The following ADGRF1 variants were observed in gnomAD, a reference collection of about 807,000 sequenced individuals.
The protein encoded by ADGRF1 is adhesion G protein-coupled receptor F1.
ADGRF1 carries 85 observed loss-of-function variants against 87.2 expected under a neutral mutation model. The observed-to-expected ratio is 0.97, with a 90% CI of 0.82 to 1.17. The LOEUF is 1.17. Among genes scored for constraint, ADGRF1 ranks in the 50% most tolerant of loss-of-function variants. The pLI, the probability that ADGRF1 is intolerant of heterozygous loss-of-function variation, is 0.00. For missense variants in ADGRF1, 1,169 were observed against 1,077.2 expected, an observed-to-expected ratio of 1.09 and a Z score of -1.19; for synonymous variants, 430 against 408.8, an observed-to-expected ratio of 1.05 and a Z score of -0.63.
At chr6:47,035,995 C>T (rs1282147474) in intron 1 of ADGRF1, among the ~76,000 whole-genome samples, 8 of 152,122 alleles carry the variant, frequency 5.3e-5, no homozygotes, top group Non-Finnish European at 2.9e-5. Context: ...ATTTGGGAAG[C>T]GGAGGCTGGT....
At position 47,004,901 on chromosome 6, in the gene ADGRF1, C is replaced by T. The variant is rs1417290446; in HGVS notation, c.2592+916G>A. On this transcript the variant is annotated intron_variant, in intron 13 of 14. Coordinates refer to ENST00000371253, the MANE Select transcript of ADGRF1 (RefSeq NM_153840.4). ...CAAGGGCAGGACTGGTCCACCTGCT[C>T]ATGGGCCAGTGCTCCGTAATTCACA... 1.6e-4 allele frequency among the ~76,000 whole-genome samples: 24 copies of T among 152,190 alleles called. 1 individual carries two copies. The highest frequency in any genetic ancestry group is 1.6e-3 in the Admixed American group (24 of 15,268).
Position 47,009,457 on chromosome 6 carries a change from C to G in ADGRF1, c.1978G>C (p.Ala660Pro), listed in dbSNP as rs776690262. 2 of 1,613,732 alleles carry G rather than the reference C, an allele frequency of 1.2e-6. No homozygotes were observed. Among genetic ancestry groups the G allele is most frequent in the African/African-American group, 2.7e-5 (2 of 74,934 alleles). Residue 660 changes from alanine (A) to proline (P), a missense_variant, in exon 11 of 15, where the codon GCT becomes CCT. Transcript: ENST00000371253. ...TAGAAGAAGTGTGTAAAGAACACAG[C>G]AGCTGTGCAGACTCCAGAAGGGTTC... is the stretch of plus-strand genomic sequence containing the variant. The part of the protein sequence containing the change: ...TVNPSGVCTA[A>P]VFFTHFFYLS...
chr6:47,018,458 T>A, intron 7 of ADGRF1: 1 of 1,289,792 alleles, frequency 7.8e-7, no homozygotes, highest in South Asian at 1.2e-5. Flanking sequence ...GACACCCTTT[T>A]GCTTAATGAT....
intron 6 of ADGRF1, 64 bp from the exon 7 acceptor site, chr6:47,020,853 G>A: frequency 7.8e-7 from 1 of 1,287,566 alleles, no homozygotes; most frequent in South Asian, 1.2e-5. Flanking sequence ...AGACATTTGA[G>A]CAAAAATTGA....
intron 1 of ADGRF1, among the ~76,000 whole-genome samples, chr6:47,040,962 A>C (rs1453537811): frequency 1.3e-5 from 2 of 152,184 alleles, no homozygotes; most frequent in African/African-American, 4.8e-5. Context: ...TTGGAGAAGA[A>C]AGACATACAA....
At chr6:47,007,818 T>C (rs1049256875) in intron 11 of ADGRF1, among the ~76,000 whole-genome samples, 1 of 152,162 alleles carries the variant, frequency 6.6e-6, no homozygotes, top group African/African-American at 2.4e-5. Flanking sequence ...TTGGTGCTTG[T>C]TCAGACAGTG....
chr6:47,000,432 T>C (rs1779329942), intron 14 of ADGRF1, 137 bp from the exon 15 acceptor site: 1 of 585,372 alleles, frequency 1.7e-6, no homozygotes, highest in African/African-American at 1.8e-5. Flanking sequence ...ACAAAAAGAC[T>C]GTGGTTGGTG....
Position 47,024,234 on chromosome 6 carries a change from ACTCAGT to A in ADGRF1, c.278-23_278-18del. The A allele has an allele frequency of 6.2e-7, 1 of 1,600,134 alleles. No homozygotes were observed. The highest frequency in any genetic ancestry group is 8.5e-7 in the Non-Finnish European group (1 of 1,169,748). On this transcript the variant is annotated intron_variant, in intron 4 of 14. Coordinates refer to ENST00000371253, the MANE Select transcript of ADGRF1 (RefSeq NM_153840.4). The stretch of plus-strand genomic sequence containing the variant: ...TGTTGCAGTCTGCACAAGAAATAGA[ACTCAGT>A]CTCATGGATTCTGGTTTATAAACTG...
At position 47,030,576 on chromosome 6, in the gene ADGRF1, ATGTG is replaced by A. The variant is rs3030596; in HGVS notation, c.-43-1476_-43-1473del. Among the ~76,000 whole-genome samples the A allele has an allele frequency of 9.8e-3, 1,351 of 138,530 alleles. 12 individuals carry two copies. The highest frequency in any genetic ancestry group is 0.023 in the African/African-American group (843 of 37,276). 90.9% of individuals were successfully genotyped at this position (138,530 alleles called of 152,430 possible). A position where few individuals can be genotyped will look rare whatever the true frequency, so the allele number is the denominator to read the frequency against. On this transcript the variant is annotated intron_variant, in intron 1 of 14. Coordinates refer to ENST00000371253, the MANE Select transcript of ADGRF1 (RefSeq NM_153840.4). ...AAGAAAGATATGTGATAACATGAAT[ATGTG>A]TGTGTGTGTGTGTGTGTGTGTGTGT...
At chr6:47,018,671 G>A (rs746642038) in intron 7 of ADGRF1, 4 of 1,168,268 alleles carry the variant, frequency 3.4e-6, no homozygotes, top group Non-Finnish European at 4.5e-6. Flanking sequence ...CAGCACTTTG[G>A]GAGGCCAAGG....
At chr6:47,007,385 A>G (rs1330434020) in intron 11 of ADGRF1, 91 bp from the exon 12 acceptor site, 1 of 732,494 alleles carries the variant, frequency 1.4e-6, no homozygotes, top group Admixed American at 2.5e-5. Context: ...ATCACCCCAC[A>G]TTGAAACTGT....
At position 47,020,805 on chromosome 6, in the gene ADGRF1, A is replaced by G; in HGVS notation, c.553-16T>C. 1 of 1,606,760 alleles carries G rather than the reference A, an allele frequency of 6.2e-7. No homozygotes were observed. The highest frequency in any genetic ancestry group is 8.5e-7 in the Non-Finnish European group (1 of 1,173,408). ...CTTTTTTAAGCTTAGAAAGAGAACA[A>G]AGAACAATGTGTTAATTGTTCTTCC... On this transcript the variant is annotated splice_polypyrimidine_tract_variant and intron_variant, in intron 6 of 14. Transcript: ENST00000371253.
Position 47,032,540 on chromosome 6 carries a change from G to A in ADGRF1, c.-43-3436C>T, listed in dbSNP as rs1259238992. On this transcript the variant is annotated intron_variant, in intron 1 of 14. Transcript: ENST00000371253. ...AAAAAATGAAATCTCAAGGCACATGGTCAAAATGGGCTCTGTAGCTGTACT... is the reference window on the plus strand; with the variant it reads ...AAAAAATGAAATCTCAAGGCACATGATCAAAATGGGCTCTGTAGCTGTACT... Among the ~76,000 whole-genome samples the A allele has an allele frequency of 2.6e-5, 4 of 152,192 alleles. No individual in the cohort carries two copies. In the East Asian group the frequency reaches 7.7e-4, roughly 29 times the overall value.
At chr6:47,023,975 C>A (rs907494689) in intron 5 of ADGRF1, 69 bp downstream of exon 5, 3 of 1,374,208 alleles carry the variant, frequency 2.2e-6, no homozygotes, top group Non-Finnish European at 3.0e-6. Flanking sequence ...AGACAATGAG[C>A]AAGCGTCCCC....
chr6:47,013,605 T>C lies in ADGRF1; in HGVS notation c.927+1076A>G, dbSNP rs565917889. Reference sequence around the variant, plus strand: ...AGATATTTATTTCCTTCTTTCTGTCTTACTTGTCTTAATACTTGAACCTTC... The same window carrying C: ...AGATATTTATTTCCTTCTTTCTGTCCTACTTGTCTTAATACTTGAACCTTC... On this transcript the variant is annotated intron_variant, in intron 9 of 14. Transcript: ENST00000371253. 5 of 985,536 alleles carry C rather than the reference T, an allele frequency of 5.1e-6. No homozygotes were observed. In the Admixed American group the frequency reaches 2.5e-4, roughly 48 times the overall value. The allele number at this position is 985,536 out of a possible 1,614,324, so 61.0% of individuals were successfully genotyped here.
chr6:47,008,859 T>C, intron 11 of ADGRF1, 86 bp downstream of exon 11: 2 of 1,159,708 alleles, frequency 1.7e-6, no homozygotes, highest in Non-Finnish European at 2.4e-6. Context: ...GGAGATGAGA[T>C]AATCTCCAGA....
chr6:47,024,024 G>C lies in ADGRF1; in HGVS notation c.451+20C>G, dbSNP rs1780151270. On this transcript the variant is annotated intron_variant, in intron 5 of 14. Transcript: ENST00000371253. ...TTGGGGTGGGAGAAGCCCCAGCCCA[G>C]AGCATTCTTAGTTGCTTACTTGTTC... The C allele has an allele frequency of 6.2e-7, 1 of 1,608,812 alleles. No individual in the cohort carries two copies. The highest frequency in any genetic ancestry group is 8.5e-7 in the Non-Finnish European group (1 of 1,176,844).
intron 9 of ADGRF1, chr6:47,014,302 T>C: frequency 2.0e-6 from 2 of 1,005,990 alleles, no homozygotes; most frequent in Non-Finnish European, 2.4e-6. Context: ...TCCTTACTTG[T>C]ACTAAGCCTG....
At chr6:47,015,304 G>T (rs1779835965) in intron 8 of ADGRF1, among the ~76,000 whole-genome samples, 2 of 152,308 alleles carry the variant, frequency 1.3e-5, no homozygotes, top group South Asian at 4.1e-4. Flanking sequence ...TTTAAGCATA[G>T]CTCACATTGC....
Sources: allele counts gnomAD v4.1 joint callset (sites outside exome capture counted in the v4.1 genomes callset), GRCh38; gene constraint gnomAD v4.1.1; transcripts MANE v1.5; gene names NCBI Gene and HGNC (gene_info 2026-07-23, HGNC 2026-07-21).